The following RAD50 variants were observed in gnomAD, a reference collection of about 807,000 sequenced individuals.
RAD50 encodes RAD50 double strand break repair protein, also known as DNA repair protein RAD50.
In RAD50, 132 loss-of-function variants were observed where a neutral mutation model predicts 168.8. The ratio of observed to expected loss-of-function variants is 0.78; its 90% CI spans 0.68 to 0.90. The LOEUF is 0.90. RAD50 is among the 40% of genes least tolerant of loss of function. The probability of loss-of-function intolerance (pLI) is 0.00; values close to 1 mark genes in which losing one functional copy is unlikely to be tolerated. For missense variants in RAD50, 1,347 were observed against 1,534.4 expected, an observed-to-expected ratio of 0.88 and a Z score of 2.04; for synonymous variants, 525 against 497.4, an observed-to-expected ratio of 1.06 and a Z score of -0.74.
intron 17 of RAD50, among the ~76,000 whole-genome samples, 184 bp downstream of exon 17, chr5:132,608,909 G>C (rs1294812656): frequency 6.6e-6 from 1 of 152,124 alleles, no homozygotes; most frequent in Non-Finnish European, 1.5e-5. Context: ...AAATTATTTT[G>C]CTGCTTGATC....
chr5:132,604,489 A>G (rs988588681), intron 15 of RAD50, among the ~76,000 whole-genome samples: 2 of 151,752 alleles, frequency 1.3e-5, no homozygotes, highest in Non-Finnish European at 2.9e-5. Flanking sequence ...CTGATCTCGA[A>G]CTCCTGACCT....
chr5:132,601,717 G>A (rs1750891206), intron 13 of RAD50, among the ~76,000 whole-genome samples: 1 of 152,048 alleles, frequency 6.6e-6, no homozygotes, highest in Non-Finnish European at 1.5e-5. Flanking sequence ...CAAAGACTTG[G>A]AACCAACCCA....
intron 21 of RAD50, among the ~76,000 whole-genome samples, chr5:132,625,904 CTT>C (rs1263606191): frequency 2.1e-5 from 3 of 145,556 alleles, no homozygotes; most frequent in African/African-American, 5.0e-5. Flanking sequence ...ATATGAACAA[CTT>C]TTTTTTTTTT....
In RAD50 at chr5:132,557,116, C is replaced by G. The variant is rs970677560; in HGVS notation, c.-209C>G. 1 of 726,510 alleles carries G rather than the reference C, an allele frequency of 1.4e-6. No homozygotes were observed. Among genetic ancestry groups the G allele is most frequent in the African/African-American group, 1.8e-5 (1 of 57,040 alleles). 45.0% of individuals were successfully genotyped at this position (726,510 alleles called of 1,614,324 possible). On this transcript the variant is annotated 5_prime_UTR_variant, in exon 1 of 25. Coordinates refer to ENST00000378823, the MANE Select transcript of RAD50 (RefSeq NM_005732.4). ...CTCTCCCCACCGGCGGGGAAAGCAG[C>G]TGGTGTGGGAGGAAAGGCTCCATCC... is the stretch of plus-strand genomic sequence containing the variant.
chr5:132,561,721 C>T (rs1264390812), intron 2 of RAD50, among the ~76,000 whole-genome samples: 1 of 152,120 alleles, frequency 6.6e-6, no homozygotes, highest in Non-Finnish European at 1.5e-5. Context: ...TTAACATGTT[C>T]AAAACAGAAC....
intron 5 of RAD50, 132 bp downstream of exon 5, chr5:132,580,198 T>A: frequency 1.4e-6 from 1 of 715,674 alleles, no homozygotes; most frequent in Non-Finnish European, 2.3e-6. Flanking sequence ...AATTTTTTTA[T>A]GGTGAGAACA....
chr5:132,604,987 CAG>C lies in RAD50; in HGVS notation c.2712_2713del (p.Glu904AspfsTer5). The C allele has an allele frequency of 6.2e-7, 1 of 1,608,188 alleles. No individual in the cohort carries two copies. Among genetic ancestry groups the C allele is most frequent in the Non-Finnish European group, 8.5e-7 (1 of 1,174,822 alleles). On this transcript the variant is annotated frameshift_variant, in exon 16 of 25. Transcript: ENST00000378823. LOFTEE classifies it high-confidence loss of function. The part of the protein sequence containing the change: ...ELSTEVQSLY[R>X]EIKDAKEQVS... ...TATCCACTGAAGTTCAGTCTTTGTACAGAGAGATAAAGGTAAGAATATCCATA... is the reference window on the plus strand; with the variant it reads ...TATCCACTGAAGTTCAGTCTTTGTACAGAGATAAAGGTAAGAATATCCATA...
intron 8 of RAD50, among the ~76,000 whole-genome samples, chr5:132,589,086 T>C (rs1299656886): frequency 6.6e-6 from 1 of 152,174 alleles, no homozygotes; most frequent in Non-Finnish European, 1.5e-5. Context: ...AAACCTACAT[T>C]TTTTATTTGG....
chr5:132,592,882 G>A (rs1750729671), intron 11 of RAD50: 1 of 470,856 alleles, frequency 2.1e-6, no homozygotes. Context: ...TGATCTGGAA[G>A]CAGTGATTTT....
intron 21 of RAD50, among the ~76,000 whole-genome samples, chr5:132,634,402 T>C (rs1751534413): frequency 6.6e-6 from 1 of 152,156 alleles, no homozygotes; most frequent in Admixed American, 6.5e-5. Context: ...AACTTCATTT[T>C]TATATATTTA....
At chr5:132,614,904 A>G (rs1266328623) in intron 19 of RAD50, among the ~76,000 whole-genome samples, 2 of 152,088 alleles carry the variant, frequency 1.3e-5, no homozygotes, top group Non-Finnish European at 2.9e-5. Flanking sequence ...TGTGAGAGAA[A>G]TCCTTGATTT....
chr5:132,610,517 G>T (rs1056893179), intron 19 of RAD50, among the ~76,000 whole-genome samples: 4 of 152,010 alleles, frequency 2.6e-5, no homozygotes, highest in African/African-American at 9.7e-5. Context: ...CCATTTCTCT[G>T]TTCTTACTGT....
In RAD50 at chr5:132,616,117, T is replaced by G; in HGVS notation, c.3151T>G (p.Leu1051Val). 2 of 1,612,978 alleles carry G rather than the reference T, an allele frequency of 1.2e-6. No homozygotes were observed. The highest frequency in any genetic ancestry group is 1.7e-6 in the Non-Finnish European group (2 of 1,179,312). The change falls in exon 20 of 25, where the codon TTG (leucine) becomes GTG (valine). Residue 1051 changes from leucine (L) to valine (V), a missense_variant. Leu to Val is a conservative substitution (Grantham distance 32, BLOSUM62 1). Around this residue, in one of 3 missense-constraint regions of RAD50, gnomAD observed 635 missense variants for 739.2 expected, o/e 0.86. Coordinates refer to ENST00000378823, the MANE Select transcript of RAD50 (RefSeq NM_005732.4). ...HLKEMGQMQV[L>V]QMKSEHQKLE... ...GAAGGAAATGGGTCAAATGCAGGTT[T>G]TGCAAATGAAAAGGTATGCTTTTAA...
intron 13 of RAD50, among the ~76,000 whole-genome samples, chr5:132,597,861 T>C (rs773865020): frequency 8.6e-5 from 13 of 151,712 alleles, no homozygotes; most frequent in Non-Finnish European, 1.6e-4. Flanking sequence ...GAGGCAGTAG[T>C]TTGAGAATAA....
At chr5:132,619,858 A>C (rs1581010575) in intron 21 of RAD50, among the ~76,000 whole-genome samples, 4 of 129,046 alleles carry the variant, frequency 3.1e-5, no homozygotes, top group East Asian at 4.2e-4. Context: ...ATATAAAGAT[A>C]TATATATATA....
At chr5:132,569,089 G>A (rs909347219) in intron 2 of RAD50, among the ~76,000 whole-genome samples, 6 of 151,958 alleles carry the variant, frequency 3.9e-5, no homozygotes, top group African/African-American at 1.5e-4. Flanking sequence ...CAGGGAAATA[G>A]GACCCATAAT....
intron 2 of RAD50, among the ~76,000 whole-genome samples, chr5:132,564,109 G>A (rs551721559): frequency 6.6e-6 from 1 of 152,322 alleles, no homozygotes; most frequent in South Asian, 2.1e-4. Context: ...GCAGAAAGTT[G>A]GTACCGAGAG....
intron 2 of RAD50, among the ~76,000 whole-genome samples, chr5:132,565,302 T>A (rs995132565): frequency 2.7e-5 from 4 of 150,034 alleles, no homozygotes; most frequent in Admixed American, 6.6e-5. Context: ...GTTTTTTTTT[T>A]ATAGCAGTGC....
chr5:132,592,242 A>G (rs1239548648), intron 11 of RAD50, among the ~76,000 whole-genome samples: 1 of 152,234 alleles, frequency 6.6e-6, no homozygotes, highest in Non-Finnish European at 1.5e-5. Flanking sequence ...CATAAGCTCC[A>G]TCAAGTTCAA....
Sources: gnomAD v4.1 joint callset for allele counts (sites outside exome capture counted in the v4.1 genomes callset) on GRCh38, gnomAD v4.1.1 for gene constraint, gnomAD v4.1.1 regional missense constraint, MANE v1.5 for transcripts, NCBI Gene and HGNC (gene_info 2026-07-23, HGNC 2026-07-21) for gene names.